RILPL1: variants seen among roughly 807,000 people sequenced by gnomAD.
The protein encoded by RILPL1 is RILP-like protein 1.
A neutral mutation model predicts 50.3 loss-of-function variants in RILPL1; 33 were observed. That is an observed-to-expected ratio of 0.66 (90% CI 0.50 to 0.88). The LOEUF is 0.88. Ranked by LOEUF, RILPL1 falls within the 40% of genes least tolerant of loss-of-function variation. RILPL1 has a pLI of 0.00. For missense variants in RILPL1, 418 were observed against 542.5 expected, an observed-to-expected ratio of 0.77 and a Z score of 2.28; for synonymous variants, 205 against 228.6, an observed-to-expected ratio of 0.90 and a Z score of 0.93.
In RILPL1 at chr12:123,523,537, T is replaced by C. The variant is rs1459535528; in HGVS notation, c.418A>G (p.Lys140Glu). 1.9e-6 allele frequency: 3 copies of C among 1,613,984 alleles called. No homozygotes were observed. Among genetic ancestry groups the C allele is most frequent in the Non-Finnish European group, 2.5e-6 (3 of 1,179,870 alleles). The stretch of plus-strand genomic sequence containing the variant: ...TCCTCCTCTGAGAAATTGACATCCT[T>C]GTGGGAGAGGTTGGTCATGAGCTGC... ...NKQLMTNLSHKDVNFSEEEFQ... is the reference protein window; with the variant it reads ...NKQLMTNLSHEDVNFSEEEFQ... The change falls in exon 2 of 7, where the codon AAG becomes GAG. Residue 140 changes from lysine (K) to glutamate (E), a missense_variant. Physicochemically the swap from Lys to Glu is moderately conservative, Grantham distance 56. Transcript: ENST00000376874.
At chr12:123,523,668 T>C (rs1018876324) in intron 1 of RILPL1, 23 bp from the exon 2 acceptor site, 3 of 1,609,036 alleles carry the variant, frequency 1.9e-6, no homozygotes, top group Non-Finnish European at 1.7e-6. Context: ...GGGGACAGCA[T>C]GGGGTCACTG....
At chr12:123,490,950 A>G (rs1882654202) in intron 4 of RILPL1, among the ~76,000 whole-genome samples, 1 of 148,880 alleles carries the variant, frequency 6.7e-6, no homozygotes. Context: ...GGCTTTCGCC[A>G]TGTTGGCCAG....
rs367767212 is a variant in RILPL1 at position 123,484,249 on chromosome 12, C to T, written c.998G>A (p.Arg333Gln). Residue 333 changes from arginine (R) to glutamine (Q), a missense_variant, in exon 6 of 7, where the codon CGA (arginine) becomes CAA (glutamine). By Grantham distance (43) the Arg-to-Gln change is conservative. Transcript: ENST00000376874. Reference protein sequence around the residue: ...YKSEEMEEENRIPQPPPIAHP... With the variant: ...YKSEEMEEENQIPQPPPIAHP... ...GGCGATGGGTGGGGGTTGGGGTATT[C>T]GGTTTTCCTCTTCCATTTCTTCACT... 31 of 1,609,680 alleles carry T rather than the reference C, an allele frequency of 1.9e-5. No individual in the cohort carries two copies. Among genetic ancestry groups the T allele is most frequent in the South Asian group, 4.4e-5 (4 of 91,010 alleles).
At chr12:123,499,654 C>G in intron 2 of RILPL1, 118 bp from the exon 3 acceptor site, 1 of 732,246 alleles carries the variant, frequency 1.4e-6, no homozygotes, top group Admixed American at 2.1e-5. Context: ...CCTCCCCAGC[C>G]TCATCCTCTC....
chr12:123,495,888 C>A (rs1883003773), intron 4 of RILPL1, among the ~76,000 whole-genome samples: 1 of 151,428 alleles, frequency 6.6e-6, no homozygotes. Flanking sequence ...GCCACGTTAG[C>A]CAGGCTGGTC....
At chr12:123,499,994 C>T (rs1392554010) in intron 2 of RILPL1, among the ~76,000 whole-genome samples, 14 of 151,306 alleles carry the variant, frequency 9.3e-5, no homozygotes, top group Non-Finnish European at 1.5e-4. Context: ...TGCAGTGGCG[C>T]GATCTCGGCT....
chr12:123,513,519 C>A (rs1306190753), intron 2 of RILPL1: 1 of 213,266 alleles, frequency 4.7e-6, no homozygotes, highest in Non-Finnish European at 1.0e-5. Flanking sequence ...AGCCTGGCGC[C>A]TGACTCCTAT....
chr12:123,480,179 T>TA (rs1378051128), intron 6 of RILPL1, among the ~76,000 whole-genome samples: 1 of 143,522 alleles, frequency 7.0e-6, no homozygotes, highest in Non-Finnish European at 1.5e-5. Flanking sequence ...TTTTTTTTTT[T>TA]AAATGGGGTA....
At chr12:123,513,378 C>T in intron 2 of RILPL1, 1 of 389,854 alleles carries the variant, frequency 2.6e-6, no homozygotes, top group Non-Finnish European at 5.3e-6. Flanking sequence ...CTTGCTGGGG[C>T]TGCCTTGGCT....
rs1329246286 is a variant in RILPL1, at chr12:123,498,475, C to T, written c.801+69G>A. The T allele has an allele frequency of 1.5e-5, 22 of 1,429,152 alleles. No individual in the cohort carries two copies. Among genetic ancestry groups the T allele is most frequent in the Non-Finnish European group, 2.1e-5 (22 of 1,023,598 alleles). The allele number at this position is 1,429,152 out of a possible 1,614,324, so 88.5% of individuals were successfully genotyped here. A position where few individuals can be genotyped will look rare whatever the true frequency, so the allele number is the denominator to read the frequency against. On this transcript the variant is annotated intron_variant, in intron 4 of 6. Coordinates refer to ENST00000376874, the MANE Select transcript of RILPL1 (RefSeq NM_178314.5). The surrounding 1 kb of genome is among the most constrained non-coding windows in gnomAD (Gnocchi z 4.3). ...AGTATAATGGGGAAAACAAGGCAAC[C>T]CTGCCTGCCTTAAGCCAACCCCCAG...
intron 2 of RILPL1, among the ~76,000 whole-genome samples, chr12:123,504,777 A>T (rs906801535): frequency 6.6e-6 from 1 of 151,424 alleles, no homozygotes; most frequent in African/African-American, 2.4e-5. Flanking sequence ...GCCCAGAGAT[A>T]TTTTTTTTTC....
chr12:123,506,682 C>T (rs1883772702), intron 2 of RILPL1, among the ~76,000 whole-genome samples: 1 of 152,212 alleles, frequency 6.6e-6, no homozygotes, highest in Non-Finnish European at 1.5e-5. Context: ...TGAAGTGACG[C>T]TCACCTCTCT....
chr12:123,487,706 T>A (rs575521052), intron 4 of RILPL1, among the ~76,000 whole-genome samples: 13 of 152,240 alleles, frequency 8.5e-5, no homozygotes, highest in Non-Finnish European at 1.2e-4. Context: ...TGGTTTCCAC[T>A]CTTTGGCTAA....
intron 1 of RILPL1, among the ~76,000 whole-genome samples, chr12:123,525,948 A>C (rs964353554): frequency 4.0e-5 from 6 of 150,950 alleles, no homozygotes; most frequent in East Asian, 1.9e-4. Flanking sequence ...AACAAACAAA[A>C]AAACGGTACT....
At chr12:123,479,800 C>T (rs1321485532) in intron 6 of RILPL1, among the ~76,000 whole-genome samples, 2 of 152,174 alleles carry the variant, frequency 1.3e-5, no homozygotes, top group Non-Finnish European at 2.9e-5. Flanking sequence ...CCCACACTTT[C>T]CTGAGCAACC....
At chr12:123,527,328 C>CTTT (rs71308020) in intron 1 of RILPL1, among the ~76,000 whole-genome samples, 1 of 146,616 alleles carries the variant, frequency 6.8e-6, no homozygotes, top group Non-Finnish European at 1.5e-5. Context: ...AAGACCCCAA[C>CTTT]TTTTTTTTTT....
intron 1 of RILPL1, among the ~76,000 whole-genome samples, chr12:123,524,926 G>T (rs1263638615): frequency 6.6e-6 from 1 of 152,174 alleles, no homozygotes; most frequent in East Asian, 1.9e-4. Context: ...GAGGTCAGAA[G>T]TCCATGACCA....
At chr12:123,474,855 G>T (rs1881486017) in intron 6 of RILPL1, 1 of 152,218 alleles carries the variant, frequency 6.6e-6, no homozygotes, top group Admixed American at 6.5e-5. Context: ...CCAGAGTTTA[G>T]TTTTAATCAC....
chr12:123,475,622 G>A, intron 6 of RILPL1: 1 of 1,323,538 alleles, frequency 7.6e-7, no homozygotes, highest in Non-Finnish European at 1.1e-6. Context: ...ACATTCCAAG[G>A]GGGCAGCTCA....
Sources: allele counts gnomAD v4.1 joint callset (sites outside exome capture counted in the v4.1 genomes callset), GRCh38; gene constraint gnomAD v4.1.1; non-coding constraint Gnocchi (gnomAD v3.1); transcripts MANE v1.5; gene names NCBI Gene and HGNC (gene_info 2026-07-23, HGNC 2026-07-21).